The following EYS variants were observed in gnomAD, a reference collection of about 807,000 sequenced individuals.
EYS encodes protein eyes shut homolog.
EYS carries 250 observed loss-of-function variants against 282.1 expected under a neutral mutation model. That is an observed-to-expected ratio of 0.89 (90% CI 0.80 to 0.98). EYS has a LOEUF of 0.98. Among genes scored for constraint, EYS ranks in the 50% least tolerant of loss-of-function variants. The pLI, the probability that EYS is intolerant of heterozygous loss-of-function variation, is 0.00. For synonymous variants in EYS, 1,355 were observed against 1,282.9 expected (o/e 1.06, Z -1.20); for missense variants, 4,016 against 3,709.0 (o/e 1.08, Z -2.15).
chr6:63,774,174 C>A (rs11965168), intron 40 of EYS, among the ~76,000 whole-genome samples: 1,593 of 146,040 alleles, frequency 0.011, 23 homozygotes, highest in African/African-American at 0.038. Context: ...CACTGCTTTT[C>A]TTTTTTTTTT....
At chr6:65,406,066 A>T (rs1305970849) in intron 5 of EYS, among the ~76,000 whole-genome samples, 1 of 152,046 alleles carries the variant, frequency 6.6e-6, no homozygotes, top group East Asian at 1.9e-4. Flanking sequence ...GTTTCTCCAC[A>T]TTCTTGCCAA....
At chr6:64,409,376 G>T (rs901757608) in intron 28 of EYS, among the ~76,000 whole-genome samples, 2 of 152,128 alleles carry the variant, frequency 1.3e-5, no homozygotes, top group Non-Finnish European at 2.9e-5. Context: ...CACCAGGCAT[G>T]CCAGACTCCA....
chr6:64,551,904 T>C (rs913657722), intron 26 of EYS, among the ~76,000 whole-genome samples: 10 of 152,192 alleles, frequency 6.6e-5, no homozygotes, highest in Non-Finnish European at 1.2e-4. Context: ...CCATTCTAAC[T>C]GATATGAGAT....
chr6:64,289,896 G>A (rs1768638750), intron 30 of EYS, among the ~76,000 whole-genome samples: 1 of 152,038 alleles, frequency 6.6e-6, no homozygotes, highest in Non-Finnish European at 1.5e-5. Context: ...TCTTTGAGGT[G>A]TAACAAGTAC....
intron 41 of EYS, chr6:63,741,955 A>G (rs761483929): frequency 7.0e-5 from 49 of 702,276 alleles, no homozygotes; most frequent in Non-Finnish European, 1.2e-4. Flanking sequence ...GGCTTTTCCA[A>G]GATCACAATG....
intron 36 of EYS, among the ~76,000 whole-genome samples, chr6:63,832,864 C>G (rs1023299574): frequency 1.3e-5 from 2 of 152,142 alleles, no homozygotes; most frequent in African/African-American, 4.8e-5. Context: ...AAAGCTTATC[C>G]ACCATGATCA....
At chr6:64,648,537 CT>C (rs1158695107) in intron 22 of EYS, among the ~76,000 whole-genome samples, 1 of 152,062 alleles carries the variant, frequency 6.6e-6, no homozygotes, top group African/African-American at 2.4e-5. Context: ...AGTACAACGG[CT>C]TAAGGGCACT....
intron 35 of EYS, among the ~76,000 whole-genome samples, chr6:63,898,268 C>T (rs1323206060): frequency 6.6e-6 from 1 of 152,060 alleles, no homozygotes; most frequent in Non-Finnish European, 1.5e-5. Context: ...GCGGGTGGGT[C>T]ACGAGGTCAG....
chr6:63,765,864 T>A (rs1260200427), intron 40 of EYS, among the ~76,000 whole-genome samples: 4 of 151,966 alleles, frequency 2.6e-5, no homozygotes, highest in Non-Finnish European at 5.9e-5. Context: ...ACTGTTTTGA[T>A]TTTTAGAACC....
intron 29 of EYS, among the ~76,000 whole-genome samples, chr6:64,342,848 G>A (rs1225207156): frequency 1.3e-5 from 2 of 152,052 alleles, no homozygotes; most frequent in East Asian, 1.9e-4. Flanking sequence ...TCAAAATAAA[G>A]GGATGGAGGA....
intron 14 of EYS, among the ~76,000 whole-genome samples, chr6:64,968,088 T>C: frequency 6.6e-6 from 1 of 152,076 alleles, no homozygotes; most frequent in East Asian, 1.9e-4. Context: ...GACAAATTTG[T>C]ACCCTCTCTT....
chr6:65,567,900 A>T (rs768775844), intron 2 of EYS, among the ~76,000 whole-genome samples: 50 of 152,180 alleles, frequency 3.3e-4, no homozygotes, highest in Middle Eastern at 3.4e-3. Flanking sequence ...AGAAAACAAT[A>T]CCCCAAAATA....
chr6:64,821,454 G>A (rs1764895889), intron 21 of EYS, among the ~76,000 whole-genome samples, 191 bp downstream of exon 21: 1 of 151,874 alleles, frequency 6.6e-6, no homozygotes, highest in African/African-American at 2.4e-5. Context: ...GAAAGAAAAG[G>A]TGGGGGAAAA....
At chr6:65,211,210 C>T (rs557311309) in intron 12 of EYS, among the ~76,000 whole-genome samples, 26 of 152,088 alleles carry the variant, frequency 1.7e-4, no homozygotes, top group African/African-American at 6.0e-4. Context: ...AGAAGTACCA[C>T]AAATTGAATA....
intron 22 of EYS, among the ~76,000 whole-genome samples, chr6:64,633,668 C>T (rs566952278): frequency 1.3e-5 from 2 of 151,670 alleles, no homozygotes; most frequent in Admixed American, 1.3e-4. Flanking sequence ...CCCTTTTAAC[C>T]CCCATCATTG....
chr6:64,072,547 C>T (rs1018455782), intron 32 of EYS, among the ~76,000 whole-genome samples: 1 of 151,602 alleles, frequency 6.6e-6, no homozygotes, highest in Non-Finnish European at 1.5e-5. Context: ...GGAGTTGGAG[C>T]ATATTTAGAA....
chr6:65,267,520 T>C (rs966789760), intron 12 of EYS, among the ~76,000 whole-genome samples: 1 of 152,040 alleles, frequency 6.6e-6, no homozygotes, highest in Non-Finnish European at 1.5e-5. Flanking sequence ...CTAGATCTGA[T>C]GAATCATAAT....
At chr6:63,904,932 A>G (rs1240012064) in intron 35 of EYS, among the ~76,000 whole-genome samples, 1 of 152,240 alleles carries the variant, frequency 6.6e-6, no homozygotes, top group African/African-American at 2.4e-5. Flanking sequence ...AAACCATTCT[A>G]AAGTGTATAG....
At chr6:64,071,588 T>A (rs1335785213) in intron 32 of EYS, among the ~76,000 whole-genome samples, 2 of 151,160 alleles carry the variant, frequency 1.3e-5, no homozygotes, top group African/African-American at 4.8e-5. Flanking sequence ...ATCAGCTAAA[T>A]CTTAAAGAAT....
Sources: allele counts gnomAD v4.1 joint callset (sites outside exome capture counted in the v4.1 genomes callset), GRCh38; gene constraint gnomAD v4.1.1; transcripts MANE v1.5; gene names NCBI Gene and HGNC (gene_info 2026-07-23, HGNC 2026-07-21).